SLC6A18: variants seen among roughly 807,000 people sequenced by gnomAD.
The protein encoded by SLC6A18 is solute carrier family 6 member 18.
Under a neutral mutation model 62.9 loss-of-function variants are expected in SLC6A18, and 58 were observed. The ratio of observed to expected loss-of-function variants is 0.92; its 90% CI spans 0.75 to 1.15. The LOEUF is 1.15. Ranked by LOEUF, SLC6A18 falls within the 50% of genes most tolerant of loss-of-function variation. The pLI, the probability that SLC6A18 is intolerant of heterozygous loss-of-function variation, is 0.00. For synonymous variants in SLC6A18, 382 were observed against 365.8 expected, an observed-to-expected ratio of 1.04 and a Z score of -0.51; for missense variants, 793 against 836.6, an observed-to-expected ratio of 0.95 and a Z score of 0.64.
chr5:1,229,661 A>C (rs1442562813), intron 1 of SLC6A18, among the ~76,000 whole-genome samples: 1 of 152,194 alleles, frequency 6.6e-6, no homozygotes, highest in Non-Finnish European at 1.5e-5. Context: ...TGTGCACCTG[A>C]GGCCTGAGTG....
At position 1,243,127 on chromosome 5, in the gene SLC6A18, G is replaced by A. The variant is rs1466873752; in HGVS notation, c.1131+264G>A. On this transcript the variant is annotated intron_variant, in intron 8 of 11. Coordinates refer to ENST00000324642, the MANE Select transcript of SLC6A18 (RefSeq NM_182632.3). This position sits in a 1 kb window ranked among gnomAD's most constrained non-coding sequence, Gnocchi z 6.5. Reference sequence around the variant, plus strand: ...TGACCCGAGAGAGTGGGCATTGCTGGTGCCCAGACCCCAGGAGAGGGGGTG... The same window carrying A: ...TGACCCGAGAGAGTGGGCATTGCTGATGCCCAGACCCCAGGAGAGGGGGTG... Among the ~76,000 whole-genome samples the A allele has an allele frequency of 6.6e-6, 1 of 152,218 alleles. No homozygotes were observed. The highest frequency in any genetic ancestry group is 2.1e-4 in the South Asian group (1 of 4,826).
intron 7 of SLC6A18, among the ~76,000 whole-genome samples, chr5:1,240,927 A>G (rs1747039334): frequency 6.6e-6 from 1 of 152,180 alleles, no homozygotes; most frequent in South Asian, 2.1e-4. Context: ...CAGTCCTTAT[A>G]AGAAGAGGAG....
rs1455524903 is a variant in SLC6A18, at chr5:1,238,554, AGTGAGCTTGGGGC to A, written c.732+495_732+507del. Among the ~76,000 whole-genome samples the A allele has an allele frequency of 8.8e-4, 33 of 37,304 alleles. 2 individuals are homozygous for A. The highest frequency in any genetic ancestry group is 1.3e-3 in the Admixed American group (6 of 4,782). 24.5% of individuals were successfully genotyped at this position (37,304 alleles called of 152,430 possible). On this transcript the variant is annotated intron_variant, in intron 5 of 11. Coordinates refer to ENST00000324642, the MANE Select transcript of SLC6A18 (RefSeq NM_182632.3). ...GCCTCAGGAAAGAGGTCAGGTTTGG[AGTGAGCTTGGGGC>A]CTCAGGAAAGAGGTCAGGTTTGGAG...
At position 1,244,754 on chromosome 5, in the gene SLC6A18, G is replaced by A. The variant is rs527299074; in HGVS notation, c.1643G>A (p.Trp548Ter). 6.2e-7 allele frequency: 1 copy of A among 1,607,512 alleles called. No homozygotes were observed. The highest frequency in any genetic ancestry group is 1.1e-5 in the South Asian group (1 of 90,698). ...TGGAAGCCACTGAGATACAAGGCCT[G>A]GAACCCCAAATACGTAGGTCCTTCC... is the stretch of plus-strand genomic sequence containing the variant. ...LFWKPLRYKAWNPKYELFPSR... is the reference protein window; with the variant it reads ...LFWKPLRYKA Residue 548 changes from tryptophan (W) to a stop codon, truncating the protein, a stop_gained, in exon 11 of 12, where the codon TGG becomes TAG. Transcript: ENST00000324642. LOFTEE classifies it low-confidence loss of function (END_TRUNC).
Position 1,246,144 on chromosome 5 carries a change from C to G in SLC6A18, c.*66C>G. The G allele has an allele frequency of 7.0e-7, 1 of 1,420,556 alleles. No homozygotes were observed. The highest frequency in any genetic ancestry group is 9.2e-7 in the Non-Finnish European group (1 of 1,092,890). The allele number at this position is 1,420,556 out of a possible 1,614,324, so 88.0% of individuals were successfully genotyped here. A position where few individuals can be genotyped will look rare whatever the true frequency, so the allele number is the denominator to read the frequency against. ...GGGCTTGGCCTGATGGTGGGCGGGG[C>G]CCCGCCCACAGGGCCGACCCCAATA... On this transcript the variant is annotated 3_prime_UTR_variant, in exon 12 of 12. Coordinates refer to ENST00000324642, the MANE Select transcript of SLC6A18 (RefSeq NM_182632.3).
At chr5:1,235,789 G>T in intron 4 of SLC6A18, 127 bp downstream of exon 4, 1 of 894,378 alleles carries the variant, frequency 1.1e-6, no homozygotes, top group Non-Finnish European at 1.8e-6. Context: ...GGATTGCAAC[G>T]TCTTCTTAGG....
chr5:1,237,501 C>T (rs1472129166), intron 4 of SLC6A18, among the ~76,000 whole-genome samples: 1 of 151,948 alleles, frequency 6.6e-6, no homozygotes, highest in African/African-American at 2.4e-5. Flanking sequence ...GCTGAGAACT[C>T]GAGAGTGGAC....
Position 1,232,751 on chromosome 5 carries a change from G to C in SLC6A18, c.302G>C (p.Gly101Ala), listed in dbSNP as rs138003830. Residue 101 changes from glycine (G) to alanine (A), a missense_variant and splice_region_variant, in exon 3 of 12, where the codon GGG becomes GCG. Transcript: ENST00000324642. ...TAISPYLSGV[G>A]LGCVTLSFLI... is the part of the protein sequence containing the mutation. ...CACCTGACATGGTCCCTGTCCACAG[G>C]GCTGGGCTGTGTCACGCTGTCCTTC... The C allele has an allele frequency of 6.7e-5, 108 of 1,612,098 alleles. No homozygotes were observed. Among genetic ancestry groups the C allele is most frequent in the Non-Finnish European group, 8.6e-5 (102 of 1,179,308 alleles).
rs754802241 is a variant in SLC6A18, at chr5:1,243,765, C to G, written c.1336+6C>G. On this transcript the variant is annotated splice_donor_region_variant and intron_variant, in intron 9 of 11. Coordinates refer to ENST00000324642, the MANE Select transcript of SLC6A18 (RefSeq NM_182632.3). This position sits in a 1 kb window ranked among gnomAD's most constrained non-coding sequence, Gnocchi z 6.5. ...CCCCAAGGAGGCCCTGACTGGTGAGCGCACAGCTCCGCCGCCCTGGAGGAC... is the reference window on the plus strand; with the variant it reads ...CCCCAAGGAGGCCCTGACTGGTGAGGGCACAGCTCCGCCGCCCTGGAGGAC... 6.9e-6 allele frequency: 11 copies of G among 1,589,296 alleles called. No individual in the cohort carries two copies. The highest frequency in any genetic ancestry group is 9.4e-6 in the Non-Finnish European group (11 of 1,166,782).
rs149753564 is a variant in SLC6A18 at position 1,225,604 on chromosome 5, C to G, written c.127C>G (p.Arg43Gly). 1,194 of 1,604,440 alleles carry G rather than the reference C, an allele frequency of 7.4e-4. 6 individuals carry two copies. The highest frequency in any genetic ancestry group is 1.9e-3 in the East Asian group (86 of 44,674). Residue 43 changes from arginine to glycine, a missense_variant, in exon 1 of 12, where the codon CGG becomes GGG. Transcript: ENST00000324642. ...GFAVGLGNIW[R>G]FPYLCQTYGG... ...TGCCGTGGGACTGGGGAACATTTGG[C>G]GGTTCCCATACCTGTGCCAGACCTA...
At chr5:1,240,453 C>T in intron 6 of SLC6A18, 78 bp from the exon 7 acceptor site, 1 of 1,580,096 alleles carries the variant, frequency 6.3e-7, no homozygotes, top group Non-Finnish European at 8.6e-7. Context: ...AGGAGGGAAG[C>T]CCCCTCCTCA....
At position 1,240,149 on chromosome 5, in the gene SLC6A18, G is replaced by A. The variant is rs146100801; in HGVS notation, c.846-382G>A. Among the ~76,000 whole-genome samples, 1,132 of 152,322 alleles carry A rather than the reference G, an allele frequency of 7.4e-3. 9 individuals are homozygous for A. Among genetic ancestry groups the A allele is most frequent in the Non-Finnish European group, 0.011 (780 of 68,020 alleles). Reference sequence around the variant, plus strand: ...AGGGAAGCTTTAAATGTTTGTGATCGACACCTTACTTCCTTGAACTCACAC... The same window carrying A: ...AGGGAAGCTTTAAATGTTTGTGATCAACACCTTACTTCCTTGAACTCACAC... On this transcript the variant is annotated intron_variant, in intron 6 of 11. Transcript: ENST00000324642.
Position 1,240,062 on chromosome 5 carries a change from T to A in SLC6A18, c.846-469T>A, listed in dbSNP as rs551282958. On this transcript the variant is annotated intron_variant, in intron 6 of 11. Transcript: ENST00000324642. ...TTTGCATGAGATGGGAGAGGCAGGT[T>A]GGTCCCTGGGCAGCTCTGCCCGCTG... Among the ~76,000 whole-genome samples the A allele has an allele frequency of 1.3e-4, 20 of 152,310 alleles. No homozygotes were observed. In the East Asian group the frequency reaches 3.9e-3, roughly 29 times the overall value.
intron 1 of SLC6A18, among the ~76,000 whole-genome samples, chr5:1,231,311 T>G (rs1283710828): frequency 1.3e-5 from 2 of 152,002 alleles, no homozygotes; most frequent in East Asian, 1.9e-4. Flanking sequence ...CCCTGGGGCC[T>G]GTGGGGCCTT....
rs773758879 is a variant in SLC6A18, at chr5:1,240,643, G to A, written c.958G>A (p.Glu320Lys). ...VLGFKATNDYEHCLDRNILSL... is the reference protein window; with the variant it reads ...VLGFKATNDYKHCLDRNILSL... The stretch of plus-strand genomic sequence containing the variant: ...GGGGTTCAAAGCAACTAATGACTAC[G>A]AGCACTGCCTGGACAGGTGAGCACA... Residue 320 changes from glutamate (E) to lysine (K), a missense_variant, in exon 7 of 12, where the codon GAG becomes AAG. Glu to Lys is a moderately conservative substitution (Grantham distance 56). Coordinates refer to ENST00000324642, the MANE Select transcript of SLC6A18 (RefSeq NM_182632.3). The A allele has an allele frequency of 3.3e-5, 54 of 1,613,772 alleles. No homozygotes were observed. In the Admixed American group the frequency reaches 3.5e-4, roughly 10 times the overall value.
intron 3 of SLC6A18, among the ~76,000 whole-genome samples, chr5:1,233,896 C>T (rs530659090): frequency 7.9e-5 from 12 of 152,190 alleles, no homozygotes; most frequent in South Asian, 4.1e-4. Context: ...CGCCTGCCAC[C>T]AGGCCTGGCT....
chr5:1,239,641 T>C (rs1747001899), intron 6 of SLC6A18, 79 bp downstream of exon 6: 13 of 1,125,260 alleles, frequency 1.2e-5, no homozygotes, highest in African/African-American at 1.5e-5. Context: ...AGGATCACAC[T>C]GTGGATCCAA....
At position 1,244,690 on chromosome 5, in the gene SLC6A18, C is replaced by T. The variant is rs1245347452; in HGVS notation, c.1579C>T (p.Leu527=). ...GACCTGGAGGGTGGTCAGTCCCCTG[C>T]TGCTGACCATCTTTGTGGCTTACAT... ...RLTWRVVSPL[L]LTIFVAYIIL... The change falls in exon 11 of 12, where the codon CTG becomes TTG. Residue 527 remains leucine (L), a synonymous_variant. Coordinates refer to ENST00000324642, the MANE Select transcript of SLC6A18 (RefSeq NM_182632.3). 1.7e-5 allele frequency: 28 copies of T among 1,613,350 alleles called. No individual in the cohort carries two copies. The highest frequency in any genetic ancestry group is 2.4e-5 in the Non-Finnish European group (28 of 1,179,388).
chr5:1,237,808 C>A, intron 4 of SLC6A18, 142 bp from the exon 5 acceptor site: 1 of 646,742 alleles, frequency 1.5e-6, no homozygotes, highest in Non-Finnish European at 2.8e-6. Context: ...CCAAGGTGCA[C>A]CCCCATCCGT....
Sources: allele counts gnomAD v4.1 joint callset (sites outside exome capture counted in the v4.1 genomes callset), GRCh38; gene constraint gnomAD v4.1.1; non-coding constraint Gnocchi (gnomAD v3.1); transcripts MANE v1.5; gene names NCBI Gene and HGNC (gene_info 2026-07-23, HGNC 2026-07-21).